Variants in MAP3K5 observed in about 807,000 individuals in gnomAD.
The protein encoded by MAP3K5 is ASK-1.
Under a neutral mutation model 158.7 loss-of-function variants are expected in MAP3K5, and 56 were observed. The ratio of observed to expected loss-of-function variants is 0.35; its 90% CI spans 0.28 to 0.44. The LOEUF is 0.44. MAP3K5 is among the 20% of genes least tolerant of loss of function. The probability of loss-of-function intolerance (pLI) is 1.00; values close to 1 mark genes in which losing one functional copy is unlikely to be tolerated. For synonymous variants in MAP3K5, 579 were observed against 601.7 expected (o/e 0.96, Z 0.55); for missense variants, 1,294 against 1,674.8 (o/e 0.77, Z 3.97).
intron 1 of MAP3K5, among the ~76,000 whole-genome samples, chr6:136,725,541 T>C (rs909659396): frequency 1.3e-5 from 2 of 152,244 alleles, no homozygotes; most frequent in African/African-American, 2.4e-5. Flanking sequence ...ATTTAAAAAT[T>C]ATTGTTGAGT....
chr6:136,632,518 A>G (rs1363456864), intron 14 of MAP3K5, among the ~76,000 whole-genome samples: 6 of 152,190 alleles, frequency 3.9e-5, no homozygotes, highest in African/African-American at 1.4e-4. Context: ...CTCTGTATCA[A>G]AAAACAAAAA....
Position 136,698,564 on chromosome 6 carries a change from A to T in MAP3K5, c.731T>A (p.Leu244Gln), listed in dbSNP as rs1183406482. Reference protein sequence around the residue: ...LTELMQPNFELLLGPICLPLV... With the variant: ...LTELMQPNFEQLLGPICLPLV... The stretch of plus-strand genomic sequence containing the variant: ...AGGTAAGCAGATGGGTCCAAGAAGC[A>T]GCTCGAAGTTCGGTTGCATGAGCTC... Residue 244 changes from leucine to glutamine, a missense_variant, in exon 4 of 30, where the codon CTG becomes CAG. Around this residue, in one of 5 missense-constraint regions of MAP3K5, gnomAD observed 690 missense variants for 870.5 expected, o/e 0.79. Coordinates refer to ENST00000359015, the MANE Select transcript of MAP3K5 (RefSeq NM_005923.4). 1 of 1,614,098 alleles carries T rather than the reference A, an allele frequency of 6.2e-7. No homozygotes were observed. The highest frequency in any genetic ancestry group is 1.7e-5 in the Admixed American group (1 of 60,020).
chr6:136,597,664 C>G (rs1368482288), intron 21 of MAP3K5, among the ~76,000 whole-genome samples: 1 of 152,226 alleles, frequency 6.6e-6, no homozygotes, highest in Non-Finnish European at 1.5e-5. Context: ...GCAAGAGATC[C>G]ATGCAGGCAG....
intron 7 of MAP3K5, among the ~76,000 whole-genome samples, chr6:136,671,120 C>T (rs538274419): frequency 9.9e-5 from 15 of 152,174 alleles, no homozygotes; most frequent in East Asian, 7.7e-4. Context: ...TATCAAGATA[C>T]GTAATATTTT....
chr6:136,631,680 T>C (rs1777363011), intron 14 of MAP3K5, among the ~76,000 whole-genome samples: 1 of 152,122 alleles, frequency 6.6e-6, no homozygotes, highest in Admixed American at 6.6e-5. Context: ...GTTTGAGATA[T>C]TAGGTTGGTG....
In MAP3K5 at chr6:136,720,599, GA is replaced by G; in HGVS notation, c.449-11del. On this transcript the variant is annotated splice_polypyrimidine_tract_variant and intron_variant, in intron 1 of 29. Coordinates refer to ENST00000359015, the MANE Select transcript of MAP3K5 (RefSeq NM_005923.4). ...TCCACCACCGCAATATCTGCAAACA[GA>G]AAACAAAGTCCCCCAAAGAATGACA... 3.7e-6 allele frequency: 6 copies of G among 1,600,772 alleles called. No homozygotes were observed. The highest frequency in any genetic ancestry group is 5.1e-6 in the Non-Finnish European group (6 of 1,173,832).
At chr6:136,568,054 A>G (rs1774198405) in intron 25 of MAP3K5, among the ~76,000 whole-genome samples, 180 bp from the exon 26 acceptor site, 1 of 152,176 alleles carries the variant, frequency 6.6e-6, no homozygotes, top group Non-Finnish European at 1.5e-5. Context: ...AACTTGCAAA[A>G]TTCACAAGAT....
At position 136,642,871 on chromosome 6, in the gene MAP3K5, T is replaced by TA. The variant is rs567464626; in HGVS notation, c.1789-303dup. 3.7e-3 allele frequency among the ~76,000 whole-genome samples: 557 copies of TA among 152,226 alleles called. 2 individuals are homozygous for TA. The highest frequency in any genetic ancestry group is 6.8e-3 in the Non-Finnish European group (459 of 67,996). On this transcript the variant is annotated intron_variant, in intron 11 of 29. Transcript: ENST00000359015. ...TAACTGTTGTGTGTTAATTTTTAAG[T>TA]AAAAAAAGTCAATGATCAAGGTAAT...
At chr6:136,657,668 A>G (rs1365971602) in intron 9 of MAP3K5, among the ~76,000 whole-genome samples, 2 of 152,262 alleles carry the variant, frequency 1.3e-5, no homozygotes, top group African/African-American at 4.8e-5. Flanking sequence ...CAAGAGAAGC[A>G]TAACTAAAGA....
At chr6:136,710,127 A>T (rs570135621) in intron 2 of MAP3K5, among the ~76,000 whole-genome samples, 4 of 152,196 alleles carry the variant, frequency 2.6e-5, no homozygotes, top group Non-Finnish European at 5.9e-5. Flanking sequence ...ACTCAATCCA[A>T]ATAAATAACA....
At chr6:136,630,403 G>T (rs1777288901) in intron 14 of MAP3K5, 1 of 151,876 alleles carries the variant, frequency 6.6e-6, no homozygotes, top group Non-Finnish European at 1.5e-5. Flanking sequence ...ATGGAATGGT[G>T]CCTACCATTC....
At chr6:136,600,880 T>C in intron 21 of MAP3K5, 142 bp downstream of exon 21, 2 of 726,212 alleles carry the variant, frequency 2.8e-6, no homozygotes, top group Admixed American at 2.6e-5. Context: ...GCTGCACACA[T>C]CCTTATAGTA....
At chr6:136,700,770 T>C (rs962056647) in intron 3 of MAP3K5, among the ~76,000 whole-genome samples, 1 of 152,056 alleles carries the variant, frequency 6.6e-6, no homozygotes, top group Non-Finnish European at 1.5e-5. Flanking sequence ...TTATTGGATA[T>C]GGTAGAATCA....
intron 14 of MAP3K5, chr6:136,636,687 A>T: frequency 3.2e-6 from 1 of 309,270 alleles, no homozygotes; most frequent in Non-Finnish European, 4.7e-6. Context: ...TCACGCCTGT[A>T]ATTCTAGTGC....
At chr6:136,582,567 T>A (rs1774937893) in intron 24 of MAP3K5, among the ~76,000 whole-genome samples, 1 of 152,234 alleles carries the variant, frequency 6.6e-6, no homozygotes, top group Non-Finnish European at 1.5e-5. Flanking sequence ...CTCTTGTCCC[T>A]GCCCACAATA....
At chr6:136,685,310 C>G (rs911521877) in intron 7 of MAP3K5, among the ~76,000 whole-genome samples, 1 of 152,032 alleles carries the variant, frequency 6.6e-6, no homozygotes, top group Non-Finnish European at 1.5e-5. Context: ...AGAGCAAGAT[C>G]CTGCTCTAAA....
At chr6:136,657,543 T>C (rs1778805225) in intron 9 of MAP3K5, among the ~76,000 whole-genome samples, 1 of 152,216 alleles carries the variant, frequency 6.6e-6, no homozygotes, top group Non-Finnish European at 1.5e-5. Flanking sequence ...GAATGCCTAC[T>C]GCTGCACACA....
intron 9 of MAP3K5, among the ~76,000 whole-genome samples, chr6:136,658,312 TC>T (rs745741084): frequency 0.099 from 12,217 of 122,872 alleles, 923 homozygotes; most frequent in East Asian, 0.15. Flanking sequence ...TTTCTTTCTT[TC>T]TTTTTTTTTT....
At chr6:136,733,793 C>T (rs946273468) in intron 1 of MAP3K5, among the ~76,000 whole-genome samples, 1 of 149,300 alleles carries the variant, frequency 6.7e-6, no homozygotes, top group Admixed American at 6.6e-5. Context: ...CCTACATTGA[C>T]ACATCATAGT....
Sources: allele counts gnomAD v4.1 joint callset (sites outside exome capture counted in the v4.1 genomes callset), GRCh38; gene constraint gnomAD v4.1.1; regional missense constraint gnomAD v4.1.1; transcripts MANE v1.5; gene names NCBI Gene and HGNC (gene_info 2026-07-23, HGNC 2026-07-21).